The following COG5 variants were observed in gnomAD, a reference collection of about 807,000 sequenced individuals.
The protein encoded by COG5 is component of oligomeric golgi complex 5, also known as conserved oligomeric Golgi complex subunit 5.
COG5 carries 86 observed loss-of-function variants against 110.4 expected under a neutral mutation model. The observed-to-expected ratio is 0.78, with a 90% CI of 0.65 to 0.93. COG5 has a LOEUF of 0.93. Among genes scored for constraint, COG5 ranks in the 40% least tolerant of loss-of-function variants. The probability of loss-of-function intolerance (pLI) is 0.00; values close to 1 mark genes in which losing one functional copy is unlikely to be tolerated. For missense variants in COG5, 1,077 were observed against 987.0 expected (o/e 1.09, Z -1.22); for synonymous variants, 360 against 334.6 (o/e 1.08, Z -0.83).
chr7:107,303,092 G>T (rs530503588), intron 11 of COG5, among the ~76,000 whole-genome samples: 30 of 151,584 alleles, frequency 2.0e-4, no homozygotes, highest in African/African-American at 6.3e-4. Context: ...GAAGTTTTTG[G>T]TTTTTTTTCT....
At chr7:107,249,622 C>A (rs187198884) in intron 16 of COG5, among the ~76,000 whole-genome samples, 5 of 150,876 alleles carry the variant, frequency 3.3e-5, no homozygotes, top group African/African-American at 1.2e-4. Context: ...AATATAGGAC[C>A]CTTAATCATT....
chr7:107,275,895 A>G lies in COG5; in HGVS notation c.1575+5405T>C, dbSNP rs1410117284. Among the ~76,000 whole-genome samples, 3 of 152,176 alleles carry G rather than the reference A, an allele frequency of 2.0e-5. No individual in the cohort carries two copies. The East Asian group carries it at 5.8e-4, about 29-fold the overall frequency. On this transcript the variant is annotated intron_variant, in intron 14 of 21. Coordinates refer to ENST00000297135, the MANE Select transcript of COG5 (RefSeq NM_006348.5). ...TCATATGTCTCTATACCATTTAAATATCACACATGTATGTTTTTTTCCATC... is the reference window on the plus strand; with the variant it reads ...TCATATGTCTCTATACCATTTAAATGTCACACATGTATGTTTTTTTCCATC...
intron 15 of COG5, 101 bp from the exon 16 acceptor site, chr7:107,256,895 A>C (rs1802927740): frequency 1.3e-5 from 10 of 768,884 alleles, no homozygotes; most frequent in Non-Finnish European, 1.8e-5. Context: ...CAAAGTATAT[A>C]TACAATATTA....
chr7:107,289,577 T>C lies in COG5; in HGVS notation c.1314-5845A>G, dbSNP rs563936309. ...AGTGATAGTTACTGTACTGAATCGA[T>C]ATATATCAATTTGGGGGGCATTACC... On this transcript the variant is annotated intron_variant, in intron 12 of 21. Coordinates refer to ENST00000297135, the MANE Select transcript of COG5 (RefSeq NM_006348.5). Among the ~76,000 whole-genome samples the C allele has an allele frequency of 2.0e-4, 31 of 152,320 alleles. No homozygotes were observed. In the South Asian group the frequency reaches 4.1e-3, roughly 20 times the overall value.
intron 6 of COG5, among the ~76,000 whole-genome samples, chr7:107,444,108 ATCTC>A (rs1156950730): frequency 6.6e-6 from 1 of 152,160 alleles, no homozygotes; most frequent in Non-Finnish European, 1.5e-5. Context: ...CTGGGCACTT[ATCTC>A]TCTGTTGTTT....
chr7:107,549,062 T>C (rs1162350626), intron 3 of COG5: 5 of 152,392 alleles, frequency 3.3e-5, no homozygotes, highest in African/African-American at 1.2e-4. Context: ...CAAATAAACA[T>C]TCCTATCAGC....
At chr7:107,250,210 T>G (rs77303869) in intron 16 of COG5, among the ~76,000 whole-genome samples, 5,137 of 152,004 alleles carry the variant, frequency 0.034, 121 homozygotes, top group Non-Finnish European at 0.051. Flanking sequence ...GAGAGGGAGC[T>G]TGAAAAGGAG....
rs547230388 is a variant in COG5, at chr7:107,249,064, A to G, written c.1750-565T>C. On this transcript the variant is annotated intron_variant, in intron 16 of 21. Coordinates refer to ENST00000297135, the MANE Select transcript of COG5 (RefSeq NM_006348.5). The stretch of plus-strand genomic sequence containing the variant: ...GCACTAAGCCTAGTACCCAATAGTT[A>G]TTTTTTTCTGCTCTTTCCCCTGCTC... Among the ~76,000 whole-genome samples the G allele has an allele frequency of 6.6e-5, 10 of 152,128 alleles. 3 individuals are homozygous for G. Among genetic ancestry groups the G allele is most frequent in the African/African-American group, 2.4e-4 (10 of 41,500 alleles).
chr7:107,474,017 T>C lies in COG5; in HGVS notation c.538+53220A>G. 1.0e-6 allele frequency: 1 copy of C among 991,662 alleles called. No homozygotes were observed. Among genetic ancestry groups the C allele is most frequent in the Non-Finnish European group, 1.5e-6 (1 of 656,648 alleles). The allele number at this position is 991,662 out of a possible 1,614,324, so 61.4% of individuals were successfully genotyped here. Reference sequence around the variant, plus strand: ...AAATTGCCAAATATCAAATAGTTTATTCTATTTCACTTTCTAGGGAAAAAA... The same window carrying C: ...AAATTGCCAAATATCAAATAGTTTACTCTATTTCACTTTCTAGGGAAAAAA... On this transcript the variant is annotated intron_variant, in intron 6 of 21. Coordinates refer to ENST00000297135, the MANE Select transcript of COG5 (RefSeq NM_006348.5). This position sits in a 1 kb window ranked among gnomAD's most constrained non-coding sequence, Gnocchi z 5.7.
intron 5 of COG5, among the ~76,000 whole-genome samples, chr7:107,529,430 C>A (rs529322830): frequency 1.3e-5 from 2 of 152,296 alleles, no homozygotes; most frequent in East Asian, 3.9e-4. Flanking sequence ...AATGCAAATG[C>A]CAGGGAGAAG....
chr7:107,281,482 A>C, intron 13 of COG5, 83 bp from the exon 14 acceptor site: 3 of 967,658 alleles, frequency 3.1e-6, no homozygotes, highest in Non-Finnish European at 3.3e-6. Context: ...CTCAAACCCA[A>C]TAAGCAATGT....
chr7:107,283,691 G>A lies in COG5; in HGVS notation c.1355C>T (p.Ala452Val). ...AGATAAGGATTTTGATAGATAAGCA[G>A]CCTCATAGGGTTGTAGTGAGTCTTT... ...ALKDSLQPYEAAYLSKSLSRL... is the reference protein window; with the variant it reads ...ALKDSLQPYEVAYLSKSLSRL... Residue 452 changes from alanine (A) to valine (V), a missense_variant, in exon 13 of 22, where the codon GCT becomes GTT. Ala to Val is a moderately conservative substitution (Grantham distance 64). Transcript: ENST00000297135. 1.2e-6 allele frequency: 2 copies of A among 1,613,982 alleles called. No homozygotes were observed. Among genetic ancestry groups the A allele is most frequent in the Non-Finnish European group, 1.7e-6 (2 of 1,179,930 alleles).
chr7:107,415,033 C>T (rs1792614641), intron 6 of COG5, among the ~76,000 whole-genome samples: 1 of 151,952 alleles, frequency 6.6e-6, no homozygotes, highest in Non-Finnish European at 1.5e-5. Flanking sequence ...GCCCACTGTC[C>T]CTTCTTTTAC....
chr7:107,305,573 G>A (rs184183770), intron 11 of COG5, among the ~76,000 whole-genome samples: 138 of 152,064 alleles, frequency 9.1e-4, no homozygotes, highest in African/African-American at 3.3e-3. Flanking sequence ...TCCTGGCATG[G>A]CTTAGTTTGG....
intron 6 of COG5, among the ~76,000 whole-genome samples, chr7:107,495,504 C>T (rs1348683414): frequency 1.3e-5 from 2 of 152,054 alleles, no homozygotes; most frequent in African/African-American, 4.8e-5. Flanking sequence ...ATAAAATGTA[C>T]TATCCATAAT....
intron 7 of COG5, among the ~76,000 whole-genome samples, chr7:107,406,189 C>T (rs1791823976): frequency 6.6e-6 from 1 of 152,196 alleles, no homozygotes; most frequent in South Asian, 2.1e-4. Flanking sequence ...AAATACTCCC[C>T]CTCCACTGAG....
At chr7:107,529,454 A>G (rs1198957748) in intron 5 of COG5, among the ~76,000 whole-genome samples, 1 of 152,234 alleles carries the variant, frequency 6.6e-6, no homozygotes, top group East Asian at 1.9e-4. Flanking sequence ...CTTCCAGGGC[A>G]TGTGCTTTAA....
intron 6 of COG5, among the ~76,000 whole-genome samples, chr7:107,476,183 TTAAAAAAA>T (rs1247740026): frequency 0.033 from 2,894 of 86,670 alleles, 269 homozygotes; most frequent in African/African-American, 0.15. Context: ...TGCAATGATT[TTAAAAAAA>T]AAAAAAAAAA....
At chr7:107,448,979 C>T (rs1244745954) in intron 6 of COG5, among the ~76,000 whole-genome samples, 1 of 151,934 alleles carries the variant, frequency 6.6e-6, no homozygotes, top group Non-Finnish European at 1.5e-5. Context: ...TATGAAAACA[C>T]CTGCAGACCA....
Sources: allele counts gnomAD v4.1 joint callset (sites outside exome capture counted in the v4.1 genomes callset), GRCh38; gene constraint gnomAD v4.1.1; non-coding constraint Gnocchi (gnomAD v3.1); transcripts MANE v1.5; gene names NCBI Gene and HGNC (gene_info 2026-07-23, HGNC 2026-07-21).